FANCM: variants seen among roughly 807,000 people sequenced by gnomAD.
FANCM encodes the protein Fanconi anemia group M protein.
A neutral mutation model predicts 199.5 loss-of-function variants in FANCM; 140 were observed. The observed-to-expected ratio is 0.70, with a 90% CI of 0.61 to 0.81. FANCM has a LOEUF of 0.81. Ranked by LOEUF, FANCM falls within the 30% of genes least tolerant of loss-of-function variation. The probability of loss-of-function intolerance (pLI) is 0.00; values close to 1 mark genes in which losing one functional copy is unlikely to be tolerated. For missense variants in FANCM, 2,410 were observed against 2,421.4 expected, an observed-to-expected ratio of 1.00 and a Z score of 0.10; for synonymous variants, 840 against 836.8, an observed-to-expected ratio of 1.00 and a Z score of -0.07.
Position 45,159,227 on chromosome 14 carries a change from G to A in FANCM, c.1528G>A (p.Gly510Ser), listed in dbSNP as rs146291619. 11 of 1,613,708 alleles carry A rather than the reference G, an allele frequency of 6.8e-6. No individual in the cohort carries two copies. The highest frequency in any genetic ancestry group is 1.3e-5 in the African/African-American group (1 of 74,892). ...QPIIRVMTFV[G>S]HASGKSTKGF... The stretch of plus-strand genomic sequence containing the variant: ...AATTATTAGAGTAATGACTTTTGTC[G>A]GCCATGCCTCAGGGAAAAGCACGAA... The change falls in exon 9 of 23, where the codon GGC becomes AGC. Residue 510 changes from glycine to serine, a missense_variant. Coordinates refer to ENST00000267430, the MANE Select transcript of FANCM (RefSeq NM_020937.4).
chr14:45,154,677 C>A lies in FANCM; in HGVS notation c.1184-20C>A, dbSNP rs763504552. On this transcript the variant is annotated intron_variant, in intron 6 of 22. Coordinates refer to ENST00000267430, the MANE Select transcript of FANCM (RefSeq NM_020937.4). ...AGTTTTATTATTATTTATTTGAAAA[C>A]CTTTTCTTAATTTCTGAAGGGATGA... is the stretch of plus-strand genomic sequence containing the variant. The A allele has an allele frequency of 3.9e-6, 6 of 1,522,022 alleles. No homozygotes were observed. Among genetic ancestry groups the A allele is most frequent in the African/African-American group, 2.7e-5 (2 of 72,958 alleles). 94.3% of individuals were successfully genotyped at this position (1,522,022 alleles called of 1,614,324 possible).
chr14:45,154,307 G>A (rs1320017531), intron 6 of FANCM, among the ~76,000 whole-genome samples: 15 of 151,628 alleles, frequency 9.9e-5, no homozygotes, highest in Admixed American at 2.6e-4. Context: ...AGACTGAGGC[G>A]GGAGAATCGC....
rs775219071 is a variant in FANCM at position 45,189,176 on chromosome 14, G to A, written c.5154G>A (p.Val1718=). ...CTGGATCTTCTGCGCAGTCCAAGGT[G>A]CGTTCTACTCCAAGAGTTAATCCAT... ...VPSGSSAQSK[V]RSTPRVNPLA... is the part of the protein sequence containing the mutation. Residue 1718 remains valine, a synonymous_variant, in exon 20 of 23, where the codon GTG becomes GTA. Coordinates refer to ENST00000267430, the MANE Select transcript of FANCM (RefSeq NM_020937.4). The A allele has an allele frequency of 3.7e-6, 6 of 1,614,008 alleles. No homozygotes were observed. The highest frequency in any genetic ancestry group is 1.6e-4 in the Middle Eastern group (1 of 6,084).
intron 3 of FANCM, among the ~76,000 whole-genome samples, chr14:45,142,456 G>A (rs1303995061): frequency 4.0e-5 from 6 of 151,704 alleles, no homozygotes; most frequent in South Asian, 2.1e-4. Flanking sequence ...ACAGTCACCC[G>A]CCACCATGCC....
At position 45,176,880 on chromosome 14, in the gene FANCM, G is replaced by A. The variant is rs373590893; in HGVS notation, c.4126G>A (p.Ala1376Thr). 39 of 1,608,578 alleles carry A rather than the reference G, an allele frequency of 2.4e-5. No homozygotes were observed. Among genetic ancestry groups the A allele is most frequent in the Admixed American group, 3.3e-5 (2 of 59,886 alleles). Residue 1376 changes from alanine to threonine, a missense_variant, in exon 14 of 23, where the codon GCA becomes ACA. Ala to Thr is a moderately conservative substitution (Grantham distance 58, BLOSUM62 0). Coordinates refer to ENST00000267430, the MANE Select transcript of FANCM (RefSeq NM_020937.4). The part of the protein sequence containing the change: ...EKVNLQRFKE[A>T]LNSTFDYSEF... ...AGTAAACCTACAAAGATTCAAAGAA[G>A]CATTGAATTCAACTTTTGATTATTC...
rs1417760155 is a variant in FANCM at position 45,196,103 on chromosome 14, G to T, written c.5341-69G>T. 3 of 1,502,582 alleles carry T rather than the reference G, an allele frequency of 2.0e-6. No homozygotes were observed. In the South Asian group the frequency reaches 3.4e-5, roughly 17 times the overall value. 93.1% of individuals were successfully genotyped at this position (1,502,582 alleles called of 1,614,324 possible). On this transcript the variant is annotated intron_variant, in intron 20 of 22. Coordinates refer to ENST00000267430, the MANE Select transcript of FANCM (RefSeq NM_020937.4). The stretch of plus-strand genomic sequence containing the variant: ...ATTCTCATTAAGGATAATCAACTTC[G>T]GGTGTGAGACGTTTATGGCATTTTT...
chr14:45,148,378 A>G (rs530307446), intron 3 of FANCM, among the ~76,000 whole-genome samples: 13 of 152,240 alleles, frequency 8.5e-5, no homozygotes, highest in South Asian at 2.1e-4. Flanking sequence ...TAATTTTACA[A>G]TGAAGTCTCT....
At chr14:45,161,997 A>T (rs1887638969) in intron 9 of FANCM, among the ~76,000 whole-genome samples, 1 of 152,174 alleles carries the variant, frequency 6.6e-6, no homozygotes, top group Admixed American at 6.5e-5. Flanking sequence ...TTAGAGTGGG[A>T]TATGAGATAA....
chr14:45,183,735 ATTTT>A, intron 16 of FANCM, 35 bp from the exon 17 acceptor site: 1 of 1,506,378 alleles, frequency 6.6e-7, no homozygotes, highest in Non-Finnish European at 9.2e-7. Context: ...GGAAGAAAAT[ATTTT>A]TTTCTTATGC....
Position 45,140,543 on chromosome 14 carries a change from T to C in FANCM, c.682-89T>C. The C allele has an allele frequency of 5.3e-6, 4 of 760,792 alleles. 1 individual carries two copies. In the South Asian group the frequency reaches 5.5e-5, roughly 10 times the overall value. 47.1% of individuals were successfully genotyped at this position (760,792 alleles called of 1,614,324 possible). A position where few individuals can be genotyped will look rare whatever the true frequency, so the allele number is the denominator to read the frequency against. ...CAATATACTGATGAAGGAATAATGA[T>C]AAGGGACCATGTATAATAGGTTGTT... On this transcript the variant is annotated intron_variant, in intron 2 of 22. Transcript: ENST00000267430.
At chr14:45,144,418 G>A (rs747973410) in intron 3 of FANCM, among the ~76,000 whole-genome samples, 57 of 149,688 alleles carry the variant, frequency 3.8e-4, no homozygotes, top group Non-Finnish European at 6.9e-4. Flanking sequence ...AAGTTAGAAC[G>A]TGTGAAGTTT....
At chr14:45,157,861 C>T (rs758152297) in intron 8 of FANCM, among the ~76,000 whole-genome samples, 41 of 152,020 alleles carry the variant, frequency 2.7e-4, no homozygotes, top group Non-Finnish European at 5.6e-4. Flanking sequence ...ACATAAAATG[C>T]GTAGTGCGGT....
In FANCM at chr14:45,183,803, GAATTTTCCCAAACCATGTTCAC is replaced by G. The variant is rs781153493; in HGVS notation, c.4421_4442del (p.Phe1474Ter). The G allele has an allele frequency of 2.5e-6, 4 of 1,609,670 alleles. No individual in the cohort carries two copies. In the South Asian group the frequency reaches 3.3e-5, roughly 13 times the overall value. ...AATTATCATCTAGTGATGAGAGTGA[GAATTTTCCCAAACCATGTTCAC>G]AATTAGAAGACTTCAAGGTTTGTAA... On this transcript the variant is annotated frameshift_variant, in exon 17 of 23. Transcript: ENST00000267430. LOFTEE classifies it high-confidence loss of function.
In FANCM at chr14:45,176,976, G is replaced by A. The variant is rs2139254219; in HGVS notation, c.4222G>A (p.Asp1408Asn). ...GCATAAATCCTGTCATTCTGTTGAAGGTAAGATTCCATCTTTATAAAGTCT... is the reference window on the plus strand; with the variant it reads ...GCATAAATCCTGTCATTCTGTTGAAAGTAAGATTCCATCTTTATAAAGTCT... ...YLHKSCHSVE[D>N]GQLLTSNESE... Residue 1408 changes from aspartate to asparagine, a missense_variant and splice_region_variant, in exon 14 of 23, where the codon GAT (aspartate) becomes AAT (asparagine). Asp to Asn is a conservative substitution (Grantham distance 23). Transcript: ENST00000267430. 1 of 1,541,600 alleles carries A rather than the reference G, an allele frequency of 6.5e-7. No individual in the cohort carries two copies. The highest frequency in any genetic ancestry group is 9.0e-7 in the Non-Finnish European group (1 of 1,115,224).
chr14:45,178,273 T>C (rs565794540), intron 14 of FANCM, among the ~76,000 whole-genome samples: 2 of 152,366 alleles, frequency 1.3e-5, no homozygotes, highest in Non-Finnish European at 2.9e-5. Context: ...CCATGACATA[T>C]ATATTTTTTC....
At chr14:45,161,291 G>T (rs986412901) in intron 9 of FANCM, among the ~76,000 whole-genome samples, 9 of 152,024 alleles carry the variant, frequency 5.9e-5, no homozygotes, top group African/African-American at 2.2e-4. Context: ...ATTTTGAAAC[G>T]AGCTTGCAGG....
At chr14:45,163,546 C>T (rs916834747) in intron 9 of FANCM, among the ~76,000 whole-genome samples, 8 of 152,142 alleles carry the variant, frequency 5.3e-5, no homozygotes, top group South Asian at 2.1e-4. Flanking sequence ...CTCCTTCTCA[C>T]GCTATTGTGG....
chr14:45,189,404 A>G (rs1311269227), intron 20 of FANCM, 42 bp downstream of exon 20: 1 of 1,453,980 alleles, frequency 6.9e-7, no homozygotes, highest in South Asian at 1.2e-5. Flanking sequence ...GATGGTTACC[A>G]GAAGTTTTTC....
At chr14:45,199,022 G>C in intron 22 of FANCM, 87 bp downstream of exon 22, 1 of 986,594 alleles carries the variant, frequency 1.0e-6, no homozygotes, top group East Asian at 2.6e-5. Context: ...AAAAATTTAA[G>C]CGGCATCATG....
Sources: allele counts gnomAD v4.1 joint callset (sites outside exome capture counted in the v4.1 genomes callset), GRCh38; gene constraint gnomAD v4.1.1; transcripts MANE v1.5; gene names NCBI Gene and HGNC (gene_info 2026-07-23, HGNC 2026-07-21).